CYP24A1: variants seen among roughly 807,000 people sequenced by gnomAD.
CYP24A1 encodes the protein cytochrome P450 family 24 subfamily A member 1, also known as 1,25-dihydroxyvitamin D(3) 24-hydroxylase, mitochondrial.
Under a neutral mutation model 62.4 loss-of-function variants are expected in CYP24A1, and 68 were observed. The observed-to-expected ratio is 1.09, with a 90% confidence interval of 0.90 to 1.33. The LOEUF is 1.33. Among genes scored for constraint, CYP24A1 ranks in the 40% most tolerant of loss-of-function variants. The probability of loss-of-function intolerance (pLI) is 0.00; values close to 1 mark genes in which losing one functional copy is unlikely to be tolerated. For synonymous variants in CYP24A1, 267 were observed against 253.0 expected, an observed-to-expected ratio of 1.06 and a Z score of -0.52; for missense variants, 787 against 653.0, an observed-to-expected ratio of 1.21 and a Z score of -2.24.
At chr20:54,163,578 A>G (rs557009480) in intron 6 of CYP24A1, among the ~76,000 whole-genome samples, 1 of 152,280 alleles carries the variant, frequency 6.6e-6, no homozygotes, top group African/African-American at 2.4e-5. Flanking sequence ...GCTAACTTCT[A>G]TGTGTCTCAG....
At chr20:54,172,772 G>A in intron 2 of CYP24A1, 137 bp downstream of exon 2, 2 of 1,536,190 alleles carry the variant, frequency 1.3e-6, no homozygotes, top group Non-Finnish European at 1.7e-6. Flanking sequence ...GATGGCACGG[G>A]AGAGGGGCTT....
Position 54,173,723 on chromosome 20 carries a change from C to T in CYP24A1, c.-144G>A, listed in dbSNP as rs757906004. The T allele has an allele frequency of 4.8e-6, 3 of 630,732 alleles. No individual in the cohort carries two copies. The highest frequency in any genetic ancestry group is 1.8e-5 in the African/African-American group (1 of 54,542). The allele number at this position is 630,732 out of a possible 1,614,324, so 39.1% of individuals were successfully genotyped here. Reference sequence around the variant, plus strand: ...GCTGGTGTGATGGAGCGGGGTGAGGCGGGACAGGCAGCAGAAAGGACCTCG... The same window carrying T: ...GCTGGTGTGATGGAGCGGGGTGAGGTGGGACAGGCAGCAGAAAGGACCTCG... On this transcript the variant is annotated 5_prime_UTR_variant, in exon 1 of 12. Coordinates refer to ENST00000216862, the MANE Select transcript of CYP24A1 (RefSeq NM_000782.5). The surrounding 1 kb of genome is among the most constrained non-coding windows in gnomAD (Gnocchi z 7.2).
chr20:54,146,544 A>G, the CYP24A1 span, among the ~76,000 whole-genome samples: 1 of 152,220 alleles, frequency 6.6e-6, no homozygotes, highest in Non-Finnish European at 1.5e-5. Flanking sequence ...TAAAAAGAAA[A>G]CAAATGCAGA....
At chr20:54,163,514 C>G (rs2092660097) in intron 6 of CYP24A1, among the ~76,000 whole-genome samples, 1 of 152,238 alleles carries the variant, frequency 6.6e-6, no homozygotes, top group East Asian at 1.9e-4. Context: ...AGCTCCTTGT[C>G]TGGCTTCAAA....
In CYP24A1 at chr20:54,173,616, G is replaced by A. The variant is rs549112129; in HGVS notation, c.-37C>T. The A allele has an allele frequency of 3.3e-6, 5 of 1,514,130 alleles. No homozygotes were observed. In the African/African-American group the frequency reaches 5.5e-5, roughly 17 times the overall value. The allele number at this position is 1,514,130 out of a possible 1,614,324, so 93.8% of individuals were successfully genotyped here. A position where few individuals can be genotyped will look rare whatever the true frequency, so the allele number is the denominator to read the frequency against. On this transcript the variant is annotated 5_prime_UTR_variant, in exon 1 of 12. Coordinates refer to ENST00000216862, the MANE Select transcript of CYP24A1 (RefSeq NM_000782.5). This position sits in a 1 kb window ranked among gnomAD's most constrained non-coding sequence, Gnocchi z 7.2. ...ACACCGGAGCGCGGGAAGGCAGGAG[G>A]ATGGGGTGGGGCGAGGTTGGTACGA...
intron 3 of CYP24A1, among the ~76,000 whole-genome samples, chr20:54,170,610 TA>T (rs1267203731): frequency 6.6e-6 from 1 of 152,212 alleles, no homozygotes; most frequent in Non-Finnish European, 1.5e-5. Flanking sequence ...TTACCACTAC[TA>T]GTTTAAAAAT....
intron 7 of CYP24A1, among the ~76,000 whole-genome samples, chr20:54,161,642 C>T (rs1286198979): frequency 6.6e-6 from 1 of 151,820 alleles, no homozygotes; most frequent in East Asian, 1.9e-4. Flanking sequence ...CAACTCTAAG[C>T]CATTGCCCTC....
chr20:54,149,333 C>T (rs1386406423), downstream of CYP24A1, among the ~76,000 whole-genome samples: 2 of 152,168 alleles, frequency 1.3e-5, no homozygotes, highest in Non-Finnish European at 2.9e-5. Flanking sequence ...ACACGCTGCT[C>T]AGTGCTCGTA....
At chr20:54,157,634 T>A in intron 9 of CYP24A1, 49 bp from the exon 10 acceptor site, 1 of 1,074,196 alleles carries the variant, frequency 9.3e-7, no homozygotes, top group East Asian at 2.4e-5. Flanking sequence ...AGAAGAGACC[T>A]TTGAATGGCA....
intron 11 of CYP24A1, among the ~76,000 whole-genome samples, 158 bp downstream of exon 11, chr20:54,157,011 A>G (rs1263791195): frequency 1.3e-5 from 2 of 152,192 alleles, no homozygotes; most frequent in Non-Finnish European, 2.9e-5. Context: ...AAATGAAAAA[A>G]AAAAAGGAAG....
At chr20:54,162,995 C>A in intron 6 of CYP24A1, 133 bp from the exon 7 acceptor site, 2 of 716,962 alleles carry the variant, frequency 2.8e-6, no homozygotes, top group Non-Finnish European at 5.1e-6. Context: ...CAATTTGCTA[C>A]ACACACTAAT....
chr20:54,153,156 C>G (rs998190742), downstream of CYP24A1, among the ~76,000 whole-genome samples: 1 of 152,130 alleles, frequency 6.6e-6, no homozygotes, highest in Non-Finnish European at 1.5e-5. Flanking sequence ...GGCCGTTCTA[C>G]CCCCCTTTCA....
At chr20:54,159,767 G>A (rs2092643621) in intron 7 of CYP24A1, among the ~76,000 whole-genome samples, 1 of 152,198 alleles carries the variant, frequency 6.6e-6, no homozygotes, top group African/African-American at 2.4e-5. Context: ...ATATTAGTGG[G>A]TTAAATCAAT....
chr20:54,157,762 G>A (rs1426119129), intron 9 of CYP24A1, among the ~76,000 whole-genome samples, 177 bp from the exon 10 acceptor site: 2 of 152,152 alleles, frequency 1.3e-5, no homozygotes, highest in African/African-American at 2.4e-5. Context: ...TAGGTAAAGG[G>A]CTTTAGAATT....
chr20:54,161,219 G>A (rs1031138990), intron 7 of CYP24A1, among the ~76,000 whole-genome samples: 1 of 152,214 alleles, frequency 6.6e-6, no homozygotes, highest in African/African-American at 2.4e-5. Context: ...CTTTGCATGG[G>A]CCGTTTCCTC....
At chr20:54,159,395 C>G (rs2092641807) in intron 7 of CYP24A1, among the ~76,000 whole-genome samples, 1 of 125,182 alleles carries the variant, frequency 8.0e-6, no homozygotes. Flanking sequence ...CATTTAAATA[C>G]AGTTTTTTTT....
chr20:54,168,001 G>A (rs887096305), intron 4 of CYP24A1, among the ~76,000 whole-genome samples: 3 of 152,170 alleles, frequency 2.0e-5, no homozygotes, highest in African/African-American at 7.2e-5. Context: ...TCCATGAGCT[G>A]GCTGCTGGCC....
chr20:54,159,190 A>G, intron 7 of CYP24A1, 67 bp from the exon 8 acceptor site: 4 of 1,272,598 alleles, frequency 3.1e-6, no homozygotes, highest in East Asian at 2.3e-5. Context: ...ATTAGCTGAA[A>G]AAAAGGTGAT....
downstream of CYP24A1, among the ~76,000 whole-genome samples, chr20:54,150,268 G>A (rs8124792): frequency 0.079 from 12,056 of 152,174 alleles, 650 homozygotes; most frequent in East Asian, 0.28. Flanking sequence ...GCGCTTTCTC[G>A]CTAATGAAAC....
Sources: allele counts gnomAD v4.1 joint callset (sites outside exome capture counted in the v4.1 genomes callset), GRCh38; gene constraint gnomAD v4.1.1; non-coding constraint Gnocchi (gnomAD v3.1); transcripts MANE v1.5; gene names NCBI Gene and HGNC (gene_info 2026-07-23, HGNC 2026-07-21).